ANKRD45: variants seen among roughly 807,000 people sequenced by gnomAD.
ANKRD45 encodes ankyrin repeat domain-containing protein 45.
Under a neutral mutation model 28.1 loss-of-function variants are expected in ANKRD45, and 21 were observed. The ratio of observed to expected loss-of-function variants is 0.75; its 90% CI spans 0.53 to 1.08. The LOEUF (loss-of-function observed/expected upper bound fraction) is 1.08, where lower values mean the gene tolerates loss of function less well. Among genes scored for constraint, ANKRD45 ranks in the 50% least tolerant of loss-of-function variants. ANKRD45 has a pLI of 0.00. For missense variants in ANKRD45, 261 were observed against 308.7 expected (o/e 0.85, Z 1.16); for synonymous variants, 86 against 103.9 (o/e 0.83, Z 1.05).
At chr1:173,642,945 G>A (rs1668762184) in intron 3 of ANKRD45, among the ~76,000 whole-genome samples, 1 of 152,160 alleles carries the variant, frequency 6.6e-6, no homozygotes, top group South Asian at 2.1e-4. Flanking sequence ...CTAGCGAGCA[G>A]CAACCCTTTC....
At chr1:173,616,604 T>G (rs1316218187) in intron 5 of ANKRD45, among the ~76,000 whole-genome samples, 2 of 152,226 alleles carry the variant, frequency 1.3e-5, no homozygotes, top group African/African-American at 4.8e-5. Context: ...AAAAAAATGT[T>G]AGGGGTGTGC....
At chr1:173,706,530 G>A in the ANKRD45 span, among the ~76,000 whole-genome samples, 2 of 151,674 alleles carry the variant, frequency 1.3e-5, no homozygotes, top group African/African-American at 4.8e-5. Flanking sequence ...GTAGAGACGG[G>A]GTTTCACCAT....
chr1:173,676,834 C>CAA, the ANKRD45 span, among the ~76,000 whole-genome samples: 1,062 of 98,636 alleles, frequency 0.011, 33 homozygotes, highest in African/African-American at 0.031. Context: ...GACTCCATCT[C>CAA]AAAAAAAAAA....
At chr1:173,673,647 G>A (rs759226601), upstream of ANKRD45, among the ~76,000 whole-genome samples, 3 of 148,490 alleles carry the variant, frequency 2.0e-5, no homozygotes, top group East Asian at 1.9e-4. Context: ...TCTTGAAACC[G>A]ACACTTCAGA....
chr1:173,613,673 C>T (rs1342535648), intron 5 of ANKRD45, among the ~76,000 whole-genome samples: 7 of 138,982 alleles, frequency 5.0e-5, no homozygotes, highest in Admixed American at 1.3e-4. Context: ...GCCTGGCCGC[C>T]GCCCCGTCCG....
intron 3 of ANKRD45, among the ~76,000 whole-genome samples, chr1:173,630,367 G>A (rs886694870): frequency 6.6e-6 from 1 of 152,014 alleles, no homozygotes; most frequent in Admixed American, 6.6e-5. Flanking sequence ...AGACATAGGC[G>A]GTACAATAGG....
rs567567967 is a variant in ANKRD45 at position 173,656,175 on chromosome 1, G to A, written c.328+2916C>T. Among the ~76,000 whole-genome samples the A allele has an allele frequency of 4.6e-5, 7 of 152,302 alleles. 1 individual carries two copies. The highest frequency in any genetic ancestry group is 1.9e-4 in the East Asian group (1 of 5,186). On this transcript the variant is annotated intron_variant, in intron 2 of 5. Coordinates refer to ENST00000333279, the MANE Select transcript of ANKRD45 (RefSeq NM_198493.3). ...TCAGTCGGAAATGCAGAAATCACCC[G>A]TCTTCTGCGTCGATCATGCTGGGAT... is the stretch of plus-strand genomic sequence containing the variant.
intron 1 of ANKRD45, among the ~76,000 whole-genome samples, chr1:173,668,424 T>C (rs1010693202): frequency 6.6e-6 from 1 of 152,092 alleles, no homozygotes; most frequent in Non-Finnish European, 1.5e-5. Flanking sequence ...ACAAGGTATA[T>C]AAGCCAAAGG....
At chr1:173,635,472 T>TTTTAAAATAGCTAAATTTTAGCTAC in intron 3 of ANKRD45, 1 of 1,336,162 alleles carries the variant, frequency 7.5e-7, no homozygotes, top group Non-Finnish European at 1.0e-6. Flanking sequence ...AATTTAGCTA[T>TTTTAAAATAGCTAAATTTTAGCTAC]TTTAAAATAG....
At chr1:173,705,216 A>G in the ANKRD45 span, among the ~76,000 whole-genome samples, 1 of 152,174 alleles carries the variant, frequency 6.6e-6, no homozygotes, top group Admixed American at 6.5e-5. Context: ...TGTGCCACCA[A>G]CTTGACATAG....
chr1:173,657,604 TCTA>T, intron 2 of ANKRD45: 1 of 148,896 alleles, frequency 6.7e-6, no homozygotes. Context: ...TATTCTGTTT[TCTA>T]TTTTCTTTCT....
At chr1:173,692,453 T>C in the ANKRD45 span, among the ~76,000 whole-genome samples, 1 of 152,162 alleles carries the variant, frequency 6.6e-6, no homozygotes. Context: ...CAATGAGATA[T>C]GCATTTATCT....
intron 3 of ANKRD45, among the ~76,000 whole-genome samples, chr1:173,646,492 T>C (rs1441299681): frequency 1.3e-5 from 2 of 152,232 alleles, no homozygotes; most frequent in African/African-American, 2.4e-5. Context: ...TGCTATTTTT[T>C]AAACATTTAA....
intron 3 of ANKRD45, among the ~76,000 whole-genome samples, chr1:173,632,526 A>G (rs1668238798): frequency 6.7e-6 from 1 of 150,164 alleles, no homozygotes; most frequent in African/African-American, 2.4e-5. Context: ...ACAAAGACAC[A>G]TCAAAAAAAA....
chr1:173,646,524 G>A (rs1378288947), intron 3 of ANKRD45, among the ~76,000 whole-genome samples: 1 of 152,072 alleles, frequency 6.6e-6, no homozygotes, highest in African/African-American at 2.4e-5. Context: ...CTTTGCCTGA[G>A]TCTCTCAAAA....
chr1:173,690,503 C>A, the ANKRD45 span, among the ~76,000 whole-genome samples: 1 of 152,140 alleles, frequency 6.6e-6, no homozygotes, highest in Non-Finnish European at 1.5e-5. Flanking sequence ...TTGCCTCCAA[C>A]AAAGGGCATA....
intron 3 of ANKRD45, among the ~76,000 whole-genome samples, chr1:173,629,935 A>G (rs1206553767): frequency 6.6e-6 from 1 of 152,206 alleles, no homozygotes; most frequent in Non-Finnish European, 1.5e-5. Context: ...AACCAATAAC[A>G]TATAACGGAA....
At chr1:173,664,880 G>A (rs1378471960) in intron 1 of ANKRD45, among the ~76,000 whole-genome samples, 2 of 152,068 alleles carry the variant, frequency 1.3e-5, no homozygotes, top group African/African-American at 4.8e-5. Flanking sequence ...AGAGCAATGG[G>A]TTTTGGAGTC....
chr1:173,635,127 T>C (rs1571723389), intron 3 of ANKRD45, among the ~76,000 whole-genome samples: 1 of 152,048 alleles, frequency 6.6e-6, no homozygotes, highest in East Asian at 1.9e-4. Flanking sequence ...ATTAGTAAAG[T>C]GTTCACTTTT....
Sources: gnomAD v4.1 joint callset for allele counts (sites outside exome capture counted in the v4.1 genomes callset) on GRCh38, gnomAD v4.1.1 for gene constraint, MANE v1.5 for transcripts, NCBI Gene and HGNC (gene_info 2026-07-23, HGNC 2026-07-21) for gene names.